LAMA2: variants seen among roughly 807,000 people sequenced by gnomAD.
LAMA2 encodes the protein laminin subunit alpha-2.
Under a neutral mutation model 364.8 loss-of-function variants are expected in LAMA2, and 269 were observed. The observed-to-expected ratio is 0.74, with a 90% CI of 0.67 to 0.82. The LOEUF (loss-of-function observed/expected upper bound fraction) is 0.82. LAMA2 is among the 40% of genes least tolerant of loss of function. The pLI is 0.00. For missense variants in LAMA2, 3,807 were observed against 3,873.2 expected, an observed-to-expected ratio of 0.98 and a Z score of 0.45; for synonymous variants, 1,379 against 1,370.6, an observed-to-expected ratio of 1.01 and a Z score of -0.14.
rs191510216 is a variant in LAMA2 at position 128,902,430 on chromosome 6, C to A, written c.112+19073C>A. Among the ~76,000 whole-genome samples, 9 of 152,240 alleles carry A rather than the reference C, an allele frequency of 5.9e-5. No homozygotes were observed. The East Asian group carries it at 1.7e-3, about 29-fold the overall frequency. ...ACACATAATTTTGAGACAAATTCCA[C>A]CTTTCTCACACTCTCAGCATATAAA... On this transcript the variant is annotated intron_variant, in intron 1 of 64. Transcript: ENST00000421865.
chr6:129,281,601 C>T (rs1200361850), intron 18 of LAMA2, among the ~76,000 whole-genome samples: 1 of 152,098 alleles, frequency 6.6e-6, no homozygotes. Context: ...CCATCCTTGC[C>T]CTCAGCACCT....
At chr6:128,980,762 A>T (rs9388673) in intron 1 of LAMA2, among the ~76,000 whole-genome samples, 120,844 of 152,066 alleles carry the variant, frequency 0.79, 48,468 homozygotes, top group South Asian at 0.86. Context: ...TTTAGAAAGT[A>T]GGAGTAGATA....
At chr6:128,956,327 G>A (rs1188579024) in intron 1 of LAMA2, among the ~76,000 whole-genome samples, 1 of 151,892 alleles carries the variant, frequency 6.6e-6, no homozygotes, top group African/African-American at 2.4e-5. Flanking sequence ...CAGACCCTGG[G>A]GTATGTCTAT....
intron 1 of LAMA2, among the ~76,000 whole-genome samples, chr6:128,941,545 A>G (rs1780157427): frequency 6.6e-6 from 1 of 152,210 alleles, no homozygotes; most frequent in South Asian, 2.1e-4. Flanking sequence ...GTGACATTTA[A>G]CTTTGTATTT....
At chr6:129,214,211 C>T (rs1469221740) in intron 12 of LAMA2, among the ~76,000 whole-genome samples, 2 of 152,082 alleles carry the variant, frequency 1.3e-5, no homozygotes, top group Admixed American at 6.6e-5. Context: ...TGGTCAAGTT[C>T]TGGTGAGAGT....
chr6:129,269,769 C>T (rs1342643521), intron 16 of LAMA2, among the ~76,000 whole-genome samples: 3 of 151,860 alleles, frequency 2.0e-5, no homozygotes, highest in Admixed American at 6.6e-5. Flanking sequence ...AAAATCAAAT[C>T]GGGGAAAAAA....
chr6:129,154,156 G>C (rs2114975643), intron 7 of LAMA2, among the ~76,000 whole-genome samples: 1 of 152,312 alleles, frequency 6.6e-6, no homozygotes, highest in African/African-American at 2.4e-5. Context: ...GCTCACGCCT[G>C]TAATTCCAGC....
chr6:129,037,270 TAGC>T (rs1253920681), intron 1 of LAMA2, among the ~76,000 whole-genome samples: 3 of 152,060 alleles, frequency 2.0e-5, no homozygotes, highest in African/African-American at 7.2e-5. Context: ...TGGCATGAAA[TAGC>T]AGGATAAATA....
intron 18 of LAMA2, among the ~76,000 whole-genome samples, chr6:129,286,079 G>A (rs1789093273): frequency 1.3e-5 from 2 of 152,152 alleles, no homozygotes; most frequent in South Asian, 4.1e-4. Flanking sequence ...TCAATATAAT[G>A]TACTGGATTT....
At position 129,310,308 on chromosome 6, in the gene LAMA2, A is replaced by G. The variant is rs139348553; in HGVS notation, c.3175-2553A>G. On this transcript the variant is annotated intron_variant, in intron 22 of 64. Transcript: ENST00000421865. The stretch of plus-strand genomic sequence containing the variant: ...TTGGAAATGATAATCTCATAAGCAA[A>G]CTACTGTTAGCAGGAACAGAAACAT... Among the ~76,000 whole-genome samples, 901 of 152,328 alleles carry G rather than the reference A, an allele frequency of 5.9e-3. 10 individuals carry two copies. Among genetic ancestry groups the G allele is most frequent in the Non-Finnish European group, 8.9e-3 (606 of 68,028 alleles).
chr6:129,302,182 G>A (rs1055146016), intron 22 of LAMA2, among the ~76,000 whole-genome samples: 3 of 151,924 alleles, frequency 2.0e-5, no homozygotes, highest in African/African-American at 7.3e-5. Flanking sequence ...CCACATCTTT[G>A]CCAACTCTTG....
At chr6:128,945,665 G>C (rs1283685190) in intron 1 of LAMA2, among the ~76,000 whole-genome samples, 1 of 152,208 alleles carries the variant, frequency 6.6e-6, no homozygotes, top group African/African-American at 2.4e-5. Context: ...TGACTTCTCT[G>C]TTTGAGGACT....
intron 12 of LAMA2, among the ~76,000 whole-genome samples, chr6:129,205,128 G>A (rs1782537887): frequency 6.6e-6 from 1 of 152,034 alleles, no homozygotes; most frequent in Admixed American, 6.6e-5. Flanking sequence ...GGTGGCTCAT[G>A]CCTGTAATCC....
chr6:129,227,821 T>C (rs1248559257), intron 12 of LAMA2, among the ~76,000 whole-genome samples: 1 of 152,102 alleles, frequency 6.6e-6, no homozygotes, highest in Non-Finnish European at 1.5e-5. Context: ...GATCTCAAAC[T>C]CCATGCTGGG....
chr6:129,072,201 T>C (rs1324113382), intron 3 of LAMA2, among the ~76,000 whole-genome samples: 1 of 152,192 alleles, frequency 6.6e-6, no homozygotes, highest in Admixed American at 6.5e-5. Context: ...TTGGTTGCAG[T>C]ACTACAAATA....
chr6:129,059,370 A>G (rs1258076493), intron 2 of LAMA2, among the ~76,000 whole-genome samples: 1 of 152,144 alleles, frequency 6.6e-6, no homozygotes, highest in African/African-American at 2.4e-5. Context: ...ACAAGTCAGG[A>G]TTTTATGTTT....
intron 1 of LAMA2, among the ~76,000 whole-genome samples, chr6:128,888,327 G>C (rs1220265441): frequency 6.6e-6 from 1 of 152,224 alleles, no homozygotes; most frequent in Non-Finnish European, 1.5e-5. Context: ...AATGTTTACA[G>C]TGAGTAAAGA....
chr6:129,419,060 T>C (rs1444958842), intron 40 of LAMA2, among the ~76,000 whole-genome samples: 2 of 152,130 alleles, frequency 1.3e-5, no homozygotes, highest in Non-Finnish European at 2.9e-5. Flanking sequence ...TTAGTGATTT[T>C]TTTTTTTGTA....
intron 45 of LAMA2, among the ~76,000 whole-genome samples, chr6:129,452,363 G>A (rs907221887): frequency 6.6e-6 from 1 of 152,110 alleles, no homozygotes; most frequent in Non-Finnish European, 1.5e-5. Flanking sequence ...TACATTAATA[G>A]TGATAGCCAT....
Sources: gnomAD v4.1 joint callset for allele counts (sites outside exome capture counted in the v4.1 genomes callset) on GRCh38, gnomAD v4.1.1 for gene constraint, MANE v1.5 for transcripts, NCBI Gene and HGNC (gene_info 2026-07-23, HGNC 2026-07-21) for gene names.